GRAMD1C: variants seen among roughly 807,000 people sequenced by gnomAD.
GRAMD1C encodes the protein GRAM domain containing 1C.
In GRAMD1C, 89 loss-of-function variants were observed where a neutral mutation model predicts 97.8. The ratio of observed to expected loss-of-function variants is 0.91; its 90% CI spans 0.77 to 1.09. The LOEUF (loss-of-function observed/expected upper bound fraction) is 1.09, where lower values mean the gene tolerates loss of function less well. GRAMD1C is among the 50% of genes least tolerant of loss of function. The probability of loss-of-function intolerance (pLI) is 0.00; values close to 1 mark genes in which losing one functional copy is unlikely to be tolerated. For missense variants in GRAMD1C, 740 were observed against 766.4 expected (o/e 0.97, Z 0.41); for synonymous variants, 256 against 267.0 (o/e 0.96, Z 0.40).
chr3:113,880,927 C>G (rs541441478), intron 5 of GRAMD1C, among the ~76,000 whole-genome samples: 2 of 152,206 alleles, frequency 1.3e-5, no homozygotes, highest in Admixed American at 6.5e-5. Flanking sequence ...TATGTTAACT[C>G]AATGATTTCA....
chr3:113,901,131 A>T lies in GRAMD1C; in HGVS notation c.641A>T (p.Glu214Val), dbSNP rs1280731536. The T allele has an allele frequency of 1.5e-5, 24 of 1,569,042 alleles. No individual in the cohort carries two copies. Among genetic ancestry groups the T allele is most frequent in the Non-Finnish European group, 2.1e-5 (24 of 1,139,398 alleles). The change falls in exon 7 of 18, where the codon GAG (glutamate) becomes GTG (valine). Residue 214 changes from glutamate to valine, a missense_variant. Glu to Val is a moderately radical substitution (Grantham distance 121). Transcript: ENST00000358160. Reference sequence around the variant, plus strand: ...ATGGAAAACTTGTCACTGTCGATTGAGGATGTGCAGCCAAGGTACAGCAAA... The same window carrying T: ...ATGGAAAACTTGTCACTGTCGATTGTGGATGTGCAGCCAAGGTACAGCAAA... ...EEMENLSLSI[E>V]DVQPRSPGRS...
chr3:113,856,309 T>A (rs1934125747), intron 2 of GRAMD1C, among the ~76,000 whole-genome samples: 1 of 152,148 alleles, frequency 6.6e-6, no homozygotes, highest in African/African-American at 2.4e-5. Context: ...ATAATAGGGA[T>A]CCCTGTATCC....
chr3:113,885,912 T>G (rs1935456792), intron 6 of GRAMD1C: 1 of 1,612,860 alleles, frequency 6.2e-7, no homozygotes, highest in Non-Finnish European at 8.5e-7. Flanking sequence ...CAAATCCTGG[T>G]TCAGTGACCC....
chr3:113,842,917 C>T (rs911487973), intron 1 of GRAMD1C, among the ~76,000 whole-genome samples: 2 of 151,380 alleles, frequency 1.3e-5, no homozygotes, highest in Admixed American at 6.6e-5. Flanking sequence ...GAGCCGAGAT[C>T]ACGCCACTGC....
intron 1 of GRAMD1C, among the ~76,000 whole-genome samples, chr3:113,839,914 C>A (rs1227675701): frequency 6.6e-6 from 1 of 152,058 alleles, no homozygotes; most frequent in African/African-American, 2.4e-5. Flanking sequence ...CAGAATGGAC[C>A]CCCATCCCAA....
intron 1 of GRAMD1C, among the ~76,000 whole-genome samples, chr3:113,840,730 T>C (rs1709763049): frequency 6.6e-6 from 1 of 152,232 alleles, no homozygotes. Context: ...CACTCCAGCC[T>C]GGGTGACAGA....
At chr3:113,850,173 T>C in intron 2 of GRAMD1C, 2 of 443,246 alleles carry the variant, frequency 4.5e-6, no homozygotes, top group South Asian at 1.7e-5. Flanking sequence ...TTGTCAATTG[T>C]ATATACTTAC....
intron 5 of GRAMD1C, among the ~76,000 whole-genome samples, chr3:113,881,694 A>G (rs1483645743): frequency 2.0e-5 from 3 of 152,322 alleles, no homozygotes; most frequent in East Asian, 3.9e-4. Context: ...AAATCTATAT[A>G]TCTGAACACA....
chr3:113,929,506 A>G (rs1034177205), intron 10 of GRAMD1C, among the ~76,000 whole-genome samples: 1 of 152,194 alleles, frequency 6.6e-6, no homozygotes, highest in Non-Finnish European at 1.5e-5. Context: ...CAGTTTTAAG[A>G]GCAGAATTAA....
chr3:113,846,830 A>G (rs113191544), intron 2 of GRAMD1C, among the ~76,000 whole-genome samples: 3 of 152,338 alleles, frequency 2.0e-5, no homozygotes, highest in African/African-American at 7.2e-5. Context: ...CAAACACTTC[A>G]TTTTAAGGAC....
chr3:113,941,840 A>G (rs981135427), intron 17 of GRAMD1C, among the ~76,000 whole-genome samples: 4 of 151,668 alleles, frequency 2.6e-5, no homozygotes, highest in Admixed American at 6.6e-5. Flanking sequence ...GCTGGTCTTG[A>G]GCTCTCGACC....
At chr3:113,935,489 TATA>T (rs1419707785) in intron 13 of GRAMD1C, among the ~76,000 whole-genome samples, 3 of 68,068 alleles carry the variant, frequency 4.4e-5, no homozygotes, top group African/African-American at 9.6e-5. Flanking sequence ...ATGCGAGAAA[TATA>T]TATATATATA....
At chr3:113,890,653 G>A in intron 6 of GRAMD1C, 5 of 662,402 alleles carry the variant, frequency 7.5e-6, no homozygotes, top group East Asian at 2.8e-5. Flanking sequence ...AATCCGTGAG[G>A]TGCATTCTCT....
intron 6 of GRAMD1C, among the ~76,000 whole-genome samples, chr3:113,886,765 G>C (rs375053794): frequency 7.3e-6 from 1 of 137,558 alleles, no homozygotes. Context: ...GTTTTTTTTT[G>C]TTTGTTTGCT....
At chr3:113,887,603 A>C (rs1577167035) in intron 6 of GRAMD1C, among the ~76,000 whole-genome samples, 1 of 127,842 alleles carries the variant, frequency 7.8e-6, no homozygotes, top group East Asian at 3.7e-4. Context: ...CGGGAGGCTG[A>C]GGCAGGAGAA....
chr3:113,833,391 C>A (rs1324062968), intron 1 of GRAMD1C, among the ~76,000 whole-genome samples: 1 of 152,022 alleles, frequency 6.6e-6, no homozygotes. Flanking sequence ...GCCCCCTCAG[C>A]CTTCCAAAGT....
intron 13 of GRAMD1C, among the ~76,000 whole-genome samples, chr3:113,934,999 C>T (rs1361046282): frequency 6.6e-6 from 1 of 152,108 alleles, no homozygotes; most frequent in Non-Finnish European, 1.5e-5. Flanking sequence ...GCCCAGCCTC[C>T]CAAAATGCTG....
At position 113,838,927 on chromosome 3, in the gene GRAMD1C, T is replaced by C. The variant is rs1377507789; in HGVS notation, c.18T>C (p.Thr6=). The change falls in exon 1 of 18, where the codon ACT becomes ACC. Residue 6 remains threonine (T), a synonymous_variant. Coordinates refer to ENST00000358160, the MANE Select transcript of GRAMD1C (RefSeq NM_017577.5). MEGAP[T]VRQVMNEGDS... is the part of the protein sequence containing the mutation. The stretch of plus-strand genomic sequence containing the variant: ...GAGCCGCGATGGAGGGCGCTCCGAC[T>C]GTCCGTCAGGTAAGCCGCGGGCCTC... The C allele has an allele frequency of 8.6e-7, 1 of 1,157,016 alleles. No homozygotes were observed. Among genetic ancestry groups the C allele is most frequent in the African/African-American group, 2.3e-5 (1 of 43,016 alleles). 71.7% of individuals were successfully genotyped at this position (1,157,016 alleles called of 1,614,324 possible). A position where few individuals can be genotyped will look rare whatever the true frequency, so the allele number is the denominator to read the frequency against.
chr3:113,833,673 G>GTAGA (rs1308672070), intron 1 of GRAMD1C, among the ~76,000 whole-genome samples: 1 of 152,162 alleles, frequency 6.6e-6, no homozygotes, highest in Non-Finnish European at 1.5e-5. Flanking sequence ...GTGGGCTATT[G>GTAGA]TAGAGTAGGG....
Sources: gnomAD v4.1 joint callset for allele counts (sites outside exome capture counted in the v4.1 genomes callset) on GRCh38, gnomAD v4.1.1 for gene constraint, MANE v1.5 for transcripts, NCBI Gene and HGNC (gene_info 2026-07-23, HGNC 2026-07-21) for gene names.